Variants in ANK2 observed in about 807,000 individuals in gnomAD.
ANK2 encodes ankyrin 2.
ANK2 carries 83 observed loss-of-function variants against 360.5 expected under a neutral mutation model. That is an observed-to-expected ratio of 0.23 (90% confidence interval 0.19 to 0.28). ANK2 has a LOEUF of 0.28. ANK2 is among the 10% of genes least tolerant of loss of function. The pLI is 1.00. For synonymous variants in ANK2, 1,740 were observed against 1,759.5 expected (o/e 0.99, Z 0.28); for missense variants, 4,201 against 4,795.7 (o/e 0.88, Z 3.66).
At chr4:112,889,114 A>T (rs1343132548) in intron 1 of ANK2, among the ~76,000 whole-genome samples, 1 of 152,084 alleles carries the variant, frequency 6.6e-6, no homozygotes, top group African/African-American at 2.4e-5. Context: ...TAAAAATCTC[A>T]ATTTATTTAA....
At chr4:112,926,124 G>C (rs1168062439) in intron 2 of ANK2, among the ~76,000 whole-genome samples, 1 of 152,142 alleles carries the variant, frequency 6.6e-6, no homozygotes, top group Non-Finnish European at 1.5e-5. Flanking sequence ...AGTAGTGTCA[G>C]GGAGACAGTA....
At chr4:113,211,287 T>A (rs1482180449) in intron 4 of ANK2, among the ~76,000 whole-genome samples, 1 of 152,204 alleles carries the variant, frequency 6.6e-6, no homozygotes, top group Non-Finnish European at 1.5e-5. Flanking sequence ...TCACTAACAT[T>A]TGACAATTGG....
chr4:112,905,805 A>G (rs945025797), intron 2 of ANK2, among the ~76,000 whole-genome samples: 11 of 151,858 alleles, frequency 7.2e-5, no homozygotes, highest in Admixed American at 2.6e-4. Context: ...GGAACTACAG[A>G]CTTGCACCAC....
At chr4:113,340,960 C>G (rs1448878875) in intron 32 of ANK2, among the ~76,000 whole-genome samples, 1 of 152,004 alleles carries the variant, frequency 6.6e-6, no homozygotes, top group Non-Finnish European at 1.5e-5. Context: ...GAAGTTAGCT[C>G]TCTTAGGGCC....
intron 8 of ANK2, 40 bp downstream of exon 8, chr4:113,240,623 A>G (rs779932254): frequency 9.8e-6 from 15 of 1,528,450 alleles, no homozygotes; most frequent in Non-Finnish European, 1.3e-5. Context: ...ATAGCAGTAA[A>G]TGAATATTTT....
chr4:113,379,983 G>A (rs938276997), intron 45 of ANK2, among the ~76,000 whole-genome samples: 3 of 152,186 alleles, frequency 2.0e-5, no homozygotes, highest in African/African-American at 7.2e-5. Flanking sequence ...GATGCATAGT[G>A]TATGGTTATG....
At chr4:113,061,650 T>G (rs2073441681) in intron 1 of ANK2, among the ~76,000 whole-genome samples, 1 of 152,092 alleles carries the variant, frequency 6.6e-6, no homozygotes, top group African/African-American at 2.4e-5. Context: ...CTTTGGGGAT[T>G]TTTTAAAAAA....
chr4:113,211,845 C>A, intron 4 of ANK2, among the ~76,000 whole-genome samples: 1 of 152,122 alleles, frequency 6.6e-6, no homozygotes, highest in East Asian at 1.9e-4. Flanking sequence ...ATATGGAGAA[C>A]AAACCTAATT....
At chr4:113,302,623 T>G (rs2075528021) in intron 22 of ANK2, 144 bp from the exon 23 acceptor site, 1 of 668,770 alleles carries the variant, frequency 1.5e-6, no homozygotes, top group South Asian at 1.7e-5. Context: ...AAAGCAAATT[T>G]CCAAAATATA....
chr4:112,873,393 A>G (rs1265929617), intron 1 of ANK2, among the ~76,000 whole-genome samples: 1 of 151,866 alleles, frequency 6.6e-6, no homozygotes, highest in Non-Finnish European at 1.5e-5. Flanking sequence ...AAGTTTTAGT[A>G]TGTCGTATTT....
intron 2 of ANK2, among the ~76,000 whole-genome samples, chr4:113,024,652 C>T (rs756597011): frequency 3.3e-5 from 5 of 152,038 alleles, no homozygotes; most frequent in African/African-American, 4.8e-5. Flanking sequence ...GACTGTATAA[C>T]TTGTTCCTTA....
intron 2 of ANK2, among the ~76,000 whole-genome samples, chr4:113,035,680 C>T (rs975887105): frequency 7.3e-5 from 11 of 151,662 alleles, no homozygotes; most frequent in African/African-American, 2.4e-4. Flanking sequence ...AAAAATACAA[C>T]TGTCTGGAAA....
chr4:112,886,474 C>G (rs1418355896), intron 1 of ANK2, among the ~76,000 whole-genome samples: 1 of 151,924 alleles, frequency 6.6e-6, no homozygotes, highest in African/African-American at 2.4e-5. Context: ...ACCAGCCTGA[C>G]CAACATGGTG....
chr4:112,861,195 A>G (rs1273069952), intron 1 of ANK2, among the ~76,000 whole-genome samples: 2 of 152,220 alleles, frequency 1.3e-5, no homozygotes, highest in Non-Finnish European at 2.9e-5. Context: ...GATTTAAAGA[A>G]AAGGGCTATT....
At chr4:112,997,706 T>C (rs1232451501) in intron 2 of ANK2, among the ~76,000 whole-genome samples, 4 of 151,976 alleles carry the variant, frequency 2.6e-5, no homozygotes, top group Admixed American at 6.6e-5. Flanking sequence ...CATTGACAAG[T>C]AAAAATTGTA....
intron 1 of ANK2, among the ~76,000 whole-genome samples, chr4:113,084,002 T>C (rs2083478344): frequency 6.6e-6 from 1 of 152,178 alleles, no homozygotes; most frequent in Non-Finnish European, 1.5e-5. Flanking sequence ...GGATCTTGTA[T>C]CTCTGATTTG....
intron 28 of ANK2, 194 bp from the exon 29 acceptor site, chr4:113,332,860 C>T (rs922445034): frequency 4.4e-6 from 3 of 678,906 alleles, no homozygotes; most frequent in East Asian, 5.4e-5. Flanking sequence ...CAGCATGTAC[C>T]TGAGGATTGG....
At chr4:113,254,634 T>A (rs2048323984) in intron 10 of ANK2, among the ~76,000 whole-genome samples, 1 of 152,236 alleles carries the variant, frequency 6.6e-6, no homozygotes, top group African/African-American at 2.4e-5. Flanking sequence ...TGAATGAAGA[T>A]TATTTCAAAA....
the ANK2 span, among the ~76,000 whole-genome samples, chr4:112,768,572 A>G: frequency 6.6e-6 from 1 of 151,576 alleles, no homozygotes; most frequent in Admixed American, 6.6e-5. Context: ...ATATGTTGTA[A>G]TTTTATTTTC....
Sources: gnomAD v4.1 joint callset for allele counts (sites outside exome capture counted in the v4.1 genomes callset) on GRCh38, gnomAD v4.1.1 for gene constraint, MANE v1.5 for transcripts, NCBI Gene and HGNC (gene_info 2026-07-23, HGNC 2026-07-21) for gene names.